ASAP1: variants seen among roughly 807,000 people sequenced by gnomAD.
ASAP1 encodes the protein ArfGAP with SH3 domain, ankyrin repeat and PH domain 1.
ASAP1 carries 43 observed loss-of-function variants against 145.2 expected under a neutral mutation model. The observed-to-expected ratio is 0.30, with a 90% CI of 0.23 to 0.38. The LOEUF is 0.38. Among genes scored for constraint, ASAP1 ranks in the 10% least tolerant of loss-of-function variants. The pLI, the probability that ASAP1 is intolerant of heterozygous loss-of-function variation, is 1.00. For missense variants in ASAP1, 1,018 were observed against 1,355.3 expected, an observed-to-expected ratio of 0.75 and a Z score of 3.91; for synonymous variants, 546 against 515.5, an observed-to-expected ratio of 1.06 and a Z score of -0.80.
intron 1 of ASAP1, among the ~76,000 whole-genome samples, chr8:130,440,434 G>A (rs1187439196): frequency 6.6e-6 from 1 of 151,650 alleles, no homozygotes; most frequent in Non-Finnish European, 1.5e-5. Flanking sequence ...CTGAACCCAG[G>A]AGGCAGAGGT....
chr8:130,414,671 A>C (rs1027592176), intron 1 of ASAP1, among the ~76,000 whole-genome samples: 1 of 152,164 alleles, frequency 6.6e-6, no homozygotes, highest in African/African-American at 2.4e-5. Flanking sequence ...GCCAAAGTAC[A>C]TGATCTATTT....
intron 3 of ASAP1, among the ~76,000 whole-genome samples, chr8:130,337,555 T>C (rs1586856369): frequency 6.6e-6 from 1 of 152,066 alleles, no homozygotes; most frequent in South Asian, 2.1e-4. Context: ...CAGAAAAAAA[T>C]TGTTACATAA....
chr8:130,284,710 A>C (rs1821489894), intron 3 of ASAP1, among the ~76,000 whole-genome samples: 1 of 152,074 alleles, frequency 6.6e-6, no homozygotes, highest in South Asian at 2.1e-4. Flanking sequence ...TGTTAAGTTT[A>C]TCTCTGTAAT....
In ASAP1 at chr8:130,424,246, C is replaced by A. The variant is rs544326955; in HGVS notation, c.-28+19214G>T. The stretch of plus-strand genomic sequence containing the variant: ...CTGCCCATTCTCTGGTCTATACAGG[C>A]AAACTCAGTCAACCAGAATTTCTGG... On this transcript the variant is annotated intron_variant, in intron 1 of 29. Coordinates refer to ENST00000518721, the MANE Select transcript of ASAP1 (RefSeq NM_018482.4). Among the ~76,000 whole-genome samples, 46 of 152,312 alleles carry A rather than the reference C, an allele frequency of 3.0e-4. No individual in the cohort carries two copies. In the South Asian group the frequency reaches 6.4e-3, roughly 21 times the overall value.
intron 3 of ASAP1, among the ~76,000 whole-genome samples, chr8:130,305,551 G>C (rs1202391711): frequency 1.1e-4 from 16 of 151,944 alleles, no homozygotes; most frequent in Admixed American, 1.0e-3. Flanking sequence ...TTTAGTAGAG[G>C]GGGTGTTTCA....
chr8:130,304,536 C>T (rs1822875451), intron 3 of ASAP1, among the ~76,000 whole-genome samples: 2 of 152,230 alleles, frequency 1.3e-5, no homozygotes, highest in African/African-American at 2.4e-5. Context: ...CCCTGAAACA[C>T]GCTGTCCAAT....
At chr8:130,235,303 T>C (rs1371706734) in intron 4 of ASAP1, among the ~76,000 whole-genome samples, 1 of 152,166 alleles carries the variant, frequency 6.6e-6, no homozygotes, top group Non-Finnish European at 1.5e-5. Flanking sequence ...ACTTTAAATA[T>C]ATTTTTATTG....
At chr8:130,272,399 C>G (rs776191533) in intron 3 of ASAP1, among the ~76,000 whole-genome samples, 24 of 152,122 alleles carry the variant, frequency 1.6e-4, no homozygotes, top group Non-Finnish European at 1.9e-4. Flanking sequence ...TGGTAGGAAT[C>G]TAAATTAGTA....
chr8:130,249,043 T>C (rs962966443), intron 3 of ASAP1, among the ~76,000 whole-genome samples: 5 of 152,108 alleles, frequency 3.3e-5, no homozygotes, highest in Non-Finnish European at 7.4e-5. Context: ...GGACTACAAG[T>C]GTGTGCCTCT....
intron 26 of ASAP1, among the ~76,000 whole-genome samples, chr8:130,078,161 T>A (rs374912967): frequency 6.6e-6 from 1 of 152,126 alleles, no homozygotes; most frequent in Non-Finnish European, 1.5e-5. Context: ...GGCTAATTTT[T>A]GTATTTTTCG....
intron 1 of ASAP1, among the ~76,000 whole-genome samples, chr8:130,426,551 C>A (rs1829925603): frequency 6.6e-6 from 1 of 152,214 alleles, no homozygotes; most frequent in Non-Finnish European, 1.5e-5. Context: ...ACCCCATCAA[C>A]CTTTTCCTGC....
chr8:130,137,005 T>C lies in ASAP1; in HGVS notation c.1114A>G (p.Thr372Ala). ...NRQPAKLNLL[T>A]CQVKPNAEDK... ...TCGGCATTAGGTTTTACTTGGCAGG[T>C]GAGAAGGTTCAACTTGGCTGGTTGC... Residue 372 changes from threonine to alanine, a missense_variant, in exon 14 of 30, where the codon ACC (threonine) becomes GCC (alanine). This residue lies in a region of ASAP1 where 27 missense variants were observed against 88.2 expected (regional missense o/e 0.31). Coordinates refer to ENST00000518721, the MANE Select transcript of ASAP1 (RefSeq NM_018482.4). 1 of 1,614,202 alleles carries C rather than the reference T, an allele frequency of 6.2e-7. No homozygotes were observed. Among genetic ancestry groups the C allele is most frequent in the Non-Finnish European group, 8.5e-7 (1 of 1,180,032 alleles).
chr8:130,239,217 A>C (rs1818384222), intron 3 of ASAP1, among the ~76,000 whole-genome samples: 1 of 152,082 alleles, frequency 6.6e-6, no homozygotes, highest in African/African-American at 2.4e-5. Context: ...GGAAGAGATA[A>C]ATTTTGTATT....
chr8:130,072,825 G>GTGCGTGTGCGCGCGCGCGCGCC lies in ASAP1; in HGVS notation c.2701+3522_2701+3523insGGCGCGCGCGCGCGCACACGCA. The stretch of plus-strand genomic sequence containing the variant: ...TGTGTGTGTGTGTGTGTGTGTGTGT[G>GTGCGTGTGCGCGCGCGCGCGCC]CGCGCGGGGGGGGGCAGTTTTGGGG... On this transcript the variant is annotated intron_variant, in intron 27 of 29. Coordinates refer to ENST00000518721, the MANE Select transcript of ASAP1 (RefSeq NM_018482.4). Among the ~76,000 whole-genome samples, 16 of 54,114 alleles carry GTGCGTGTGCGCGCGCGCGCGCC rather than the reference G, an allele frequency of 3.0e-4. 2 individuals are homozygous for GTGCGTGTGCGCGCGCGCGCGCC. The highest frequency in any genetic ancestry group is 2.8e-3 in the East Asian group (7 of 2,486). 35.5% of individuals were successfully genotyped at this position (54,114 alleles called of 152,430 possible).
At chr8:130,215,486 A>G (rs1816840687) in intron 4 of ASAP1, among the ~76,000 whole-genome samples, 1 of 151,986 alleles carries the variant, frequency 6.6e-6, no homozygotes, top group African/African-American at 2.4e-5. Flanking sequence ...GCTCACGCCT[A>G]TAATCCCAGC....
intron 3 of ASAP1, among the ~76,000 whole-genome samples, chr8:130,301,687 T>C (rs1042084083): frequency 6.6e-6 from 1 of 152,214 alleles, no homozygotes; most frequent in African/African-American, 2.4e-5. Context: ...TATCCTACAA[T>C]ATTTCCTTAT....
intron 5 of ASAP1, among the ~76,000 whole-genome samples, chr8:130,202,080 A>G (rs1417699715): frequency 3.3e-5 from 5 of 152,142 alleles, no homozygotes; most frequent in African/African-American, 9.7e-5. Context: ...CTTTGCTTGG[A>G]AAGCCCTGCC....
intron 9 of ASAP1, among the ~76,000 whole-genome samples, chr8:130,169,933 T>C (rs1445394427): frequency 1.3e-5 from 2 of 152,178 alleles, no homozygotes; most frequent in African/African-American, 2.4e-5. Context: ...ACACTTCCAC[T>C]CAGGAACCCA....
chr8:130,195,296 G>A (rs1247217735), intron 5 of ASAP1: 1 of 151,460 alleles, frequency 6.6e-6, no homozygotes, highest in East Asian at 1.9e-4. Context: ...AGCAATTGGC[G>A]GGGGCCAAGG....
Sources: gnomAD v4.1 joint callset for allele counts (sites outside exome capture counted in the v4.1 genomes callset) on GRCh38, gnomAD v4.1.1 for gene constraint, gnomAD v4.1.1 regional missense constraint, MANE v1.5 for transcripts, NCBI Gene and HGNC (gene_info 2026-07-23, HGNC 2026-07-21) for gene names.